The following TTC23 variants were observed in gnomAD, a reference collection of about 807,000 sequenced individuals.
TTC23 encodes tetratricopeptide repeat protein 23.
A neutral mutation model predicts 55.1 loss-of-function variants in TTC23; 58 were observed. The ratio of observed to expected loss-of-function variants is 1.05; its 90% CI spans 0.85 to 1.31. TTC23 has a LOEUF of 1.31. Among genes scored for constraint, TTC23 ranks in the 50% most tolerant of loss-of-function variants. The pLI is 0.00. For missense variants in TTC23, 516 were observed against 534.4 expected (o/e 0.97, Z 0.34); for synonymous variants, 203 against 199.9 (o/e 1.02, Z -0.13).
chr15:99,192,493 T>C (rs1308367189), intron 9 of TTC23, among the ~76,000 whole-genome samples: 2 of 152,150 alleles, frequency 1.3e-5, no homozygotes, highest in Non-Finnish European at 2.9e-5. Flanking sequence ...CTTCAGAGGG[T>C]GCAAGCCTGA....
intron 11 of TTC23, 111 bp from the exon 12 acceptor site, chr15:99,156,408 G>GT: frequency 7.8e-7 from 1 of 1,286,512 alleles, no homozygotes; most frequent in South Asian, 1.4e-5. Flanking sequence ...AGCTGAGCCT[G>GT]TTCTCCTCTT....
At chr15:99,162,687 G>A (rs117174627) in intron 10 of TTC23, among the ~76,000 whole-genome samples, 1 of 152,318 alleles carries the variant, frequency 6.6e-6, no homozygotes, top group Non-Finnish European at 1.5e-5. Context: ...CCTTGCCCTT[G>A]TGTAGTCCCT....
chr15:99,143,162 TA>T (rs1555491327), intron 12 of TTC23, among the ~76,000 whole-genome samples: 1 of 152,218 alleles, frequency 6.6e-6, no homozygotes, highest in South Asian at 2.1e-4. Context: ...GGTCATCCAT[TA>T]AATGACTACT....
intron 12 of TTC23, among the ~76,000 whole-genome samples, chr15:99,141,216 TA>T (rs2068197633): frequency 6.6e-6 from 1 of 152,196 alleles, no homozygotes; most frequent in South Asian, 2.1e-4. Context: ...ATATATTATA[TA>T]TGTATGTGAT....
At chr15:99,250,547 G>A (rs1371024919), upstream of TTC23, among the ~76,000 whole-genome samples, 1 of 152,098 alleles carries the variant, frequency 6.6e-6, no homozygotes, top group Non-Finnish European at 1.5e-5. Flanking sequence ...CATTTCAGAA[G>A]GAAATTTGTC....
At chr15:99,160,198 G>A (rs1164024108) in intron 11 of TTC23, 1 of 151,612 alleles carries the variant, frequency 6.6e-6, no homozygotes, top group East Asian at 1.9e-4. Context: ...ATAAAAGCCC[G>A]TGTTCCCTAG....
At chr15:99,204,655 T>TTTTTTTTTTTG (rs2076471281) in intron 8 of TTC23, among the ~76,000 whole-genome samples, 4 of 145,636 alleles carry the variant, frequency 2.7e-5, no homozygotes, top group South Asian at 2.2e-4. Context: ...TTTTTTTTTT[T>TTTTTTTTTTTG]AGACAGGTCT....
chr15:99,229,305 A>C (rs2078744216), intron 4 of TTC23, among the ~76,000 whole-genome samples: 2 of 152,220 alleles, frequency 1.3e-5, no homozygotes, highest in South Asian at 4.1e-4. Flanking sequence ...TAGTAACTAC[A>C]TTTATCCTCT....
At chr15:99,190,788 AT>A (rs891226594) in intron 9 of TTC23, among the ~76,000 whole-genome samples, 2 of 149,966 alleles carry the variant, frequency 1.3e-5, no homozygotes, top group Non-Finnish European at 1.5e-5. Context: ...ATGTCTTTTT[AT>A]TTTTTTTTGA....
At chr15:99,146,344 A>T (rs1481392022) in intron 12 of TTC23, among the ~76,000 whole-genome samples, 1 of 152,212 alleles carries the variant, frequency 6.6e-6, no homozygotes, top group East Asian at 1.9e-4. Flanking sequence ...TTCTCTTGGC[A>T]AATTTCCCTA....
intron 9 of TTC23, among the ~76,000 whole-genome samples, chr15:99,183,579 T>C (rs2074376804): frequency 6.8e-6 from 1 of 147,964 alleles, no homozygotes; most frequent in South Asian, 2.2e-4. Context: ...GACCTTGTGA[T>C]CCACCTGCCT....
At chr15:99,242,106 T>C (rs1409037909) in intron 2 of TTC23, among the ~76,000 whole-genome samples, 1 of 147,424 alleles carries the variant, frequency 6.8e-6, no homozygotes, top group Non-Finnish European at 1.5e-5. Context: ...CACTCCAGCC[T>C]GGGTGACAGA....
intron 9 of TTC23, among the ~76,000 whole-genome samples, chr15:99,198,032 C>T (rs911329743): frequency 5.9e-5 from 9 of 152,276 alleles, no homozygotes; most frequent in Non-Finnish European, 1.3e-4. Flanking sequence ...TTACTTCAGC[C>T]ATGAATACTG....
At chr15:99,164,025 G>A (rs554228979) in intron 10 of TTC23, among the ~76,000 whole-genome samples, 1 of 152,314 alleles carries the variant, frequency 6.6e-6, no homozygotes, top group South Asian at 2.1e-4. Flanking sequence ...TGTCTATCCA[G>A]AGGTTCTGAC....
chr15:99,233,659 T>G (rs1458905874), intron 4 of TTC23, among the ~76,000 whole-genome samples: 1 of 152,238 alleles, frequency 6.6e-6, no homozygotes, highest in East Asian at 1.9e-4. Flanking sequence ...AAAGACTGAA[T>G]GCTTTATCTC....
At chr15:99,218,097 CCTT>C (rs1363845571) in intron 8 of TTC23, among the ~76,000 whole-genome samples, 1 of 152,238 alleles carries the variant, frequency 6.6e-6, no homozygotes, top group East Asian at 1.9e-4. Flanking sequence ...CTATGCACAA[CCTT>C]CTCTTCGTGT....
intron 11 of TTC23, chr15:99,157,970 A>T (rs969276683): frequency 6.6e-6 from 1 of 152,238 alleles, no homozygotes; most frequent in Non-Finnish European, 1.5e-5. Context: ...CACAGCCCCA[A>T]AGGGGTCCCA....
At chr15:99,216,470 G>T (rs1391452940) in intron 8 of TTC23, among the ~76,000 whole-genome samples, 3 of 151,904 alleles carry the variant, frequency 2.0e-5, no homozygotes, top group Non-Finnish European at 4.4e-5. Context: ...GGCAATAGAT[G>T]TAAGAAAATA....
At chr15:99,204,632 G>GTTTTTTTTTTTTT (rs56890685) in intron 8 of TTC23, among the ~76,000 whole-genome samples, 760 of 60,860 alleles carry the variant, frequency 0.012, 179 homozygotes, top group Non-Finnish European at 0.015. Flanking sequence ...TAGATTTAAG[G>GTTTTTTTTTTTTT]TTTTTTTTTT....
Sources: allele counts gnomAD v4.1 joint callset (sites outside exome capture counted in the v4.1 genomes callset), GRCh38; gene constraint gnomAD v4.1.1; transcripts MANE v1.5; gene names NCBI Gene and HGNC (gene_info 2026-07-23, HGNC 2026-07-21).